Variants in CNTLN observed in about 807,000 individuals in gnomAD.
CNTLN encodes centlein.
CNTLN carries 212 observed loss-of-function variants against 180.0 expected under a neutral mutation model. The observed-to-expected ratio is 1.18, with a 90% confidence interval of 1.05 to 1.32. CNTLN has a LOEUF of 1.32. Among genes scored for constraint, CNTLN ranks in the 40% most tolerant of loss-of-function variants. The pLI is 0.00. For synonymous variants in CNTLN, 722 were observed against 563.1 expected (o/e 1.28, Z -3.99); for missense variants, 2,095 against 1,610.9 (o/e 1.30, Z -5.14).
At position 17,298,261 on chromosome 9, in the gene CNTLN, TC is replaced by T; in HGVS notation, c.1057del (p.Gln353SerfsTer14). ...CATACAGCCCAGCAAGCAGAGCTGA[TC>T]CAGCAGCTTCAGGTTCTCAATATGG... ...STHTAQQAEL[I>X]QQLQVLNMDT... On this transcript the variant is annotated frameshift_variant, in exon 7 of 26. Transcript: ENST00000380647. LOFTEE classifies it high-confidence loss of function. 6.2e-7 allele frequency: 1 copy of T among 1,613,384 alleles called. No homozygotes were observed.
At chr9:17,345,765 A>G (rs1462186272) in intron 12 of CNTLN, among the ~76,000 whole-genome samples, 2 of 152,142 alleles carry the variant, frequency 1.3e-5, no homozygotes, top group Non-Finnish European at 2.9e-5. Context: ...AAACATAATT[A>G]TAAACCACAA....
In CNTLN at chr9:17,181,362, T is replaced by G. The variant is rs116948155; in HGVS notation, c.449+37986T>G. Among the ~76,000 whole-genome samples the G allele has an allele frequency of 7.9e-3, 1,207 of 152,368 alleles. 29 individuals are homozygous for G. Among genetic ancestry groups the G allele is most frequent in the South Asian group, 0.064 (308 of 4,828 alleles). On this transcript the variant is annotated intron_variant, in intron 2 of 25. Transcript: ENST00000380647. Reference sequence around the variant, plus strand: ...TACTTTTCAGGCATAAAATTTGTATTTGTTTTTTCGTTGTATCTTCTGTCT... The same window carrying G: ...TACTTTTCAGGCATAAAATTTGTATGTGTTTTTTCGTTGTATCTTCTGTCT...
At chr9:17,288,176 T>G (rs1345508150) in intron 6 of CNTLN, among the ~76,000 whole-genome samples, 1 of 124,464 alleles carries the variant, frequency 8.0e-6, no homozygotes, top group Non-Finnish European at 1.6e-5. Context: ...CACACTGCTT[T>G]GAATGCATCC....
chr9:17,332,028 A>G (rs1188220345), intron 9 of CNTLN, among the ~76,000 whole-genome samples: 1 of 152,074 alleles, frequency 6.6e-6, no homozygotes, highest in Non-Finnish European at 1.5e-5. Context: ...TTGCTTTCAC[A>G]TATTCTTTCT....
chr9:17,472,280 G>A (rs939392549), intron 23 of CNTLN, among the ~76,000 whole-genome samples: 17 of 152,036 alleles, frequency 1.1e-4, no homozygotes, highest in Non-Finnish European at 2.5e-4. Flanking sequence ...ATTCTGTTGG[G>A]ATGAGTAAGA....
At chr9:17,285,479 C>T (rs1458777385) in intron 6 of CNTLN, among the ~76,000 whole-genome samples, 1 of 144,550 alleles carries the variant, frequency 6.9e-6, no homozygotes, top group African/African-American at 2.7e-5. Flanking sequence ...GTGCATGTGT[C>T]TTTATAGCAG....
At chr9:17,208,522 A>G (rs939637382) in intron 2 of CNTLN, among the ~76,000 whole-genome samples, 3 of 152,124 alleles carry the variant, frequency 2.0e-5, no homozygotes, top group Admixed American at 6.5e-5. Context: ...TGTTTTTCCA[A>G]CTACTTTAAA....
chr9:17,464,517 A>G lies in CNTLN; in HGVS notation c.3425A>G (p.Asp1142Gly). The change falls in exon 21 of 26, where the codon GAT (aspartate) becomes GGT (glycine). Residue 1142 changes from aspartate to glycine, a missense_variant. Coordinates refer to ENST00000380647, the MANE Select transcript of CNTLN (RefSeq NM_017738.4). Reference sequence around the variant, plus strand: ...TCAAGGATATCTCGAATGGAGAGGGATATAACTATGAAAAGACATTTGATA... The same window carrying G: ...TCAAGGATATCTCGAATGGAGAGGGGTATAACTATGAAAAGACATTTGATA... Reference protein sequence around the residue: ...MHEKISRMERDITMKRHLIED... With the variant: ...MHEKISRMERGITMKRHLIED... 5 of 1,531,840 alleles carry G rather than the reference A, an allele frequency of 3.3e-6. No homozygotes were observed. Among genetic ancestry groups the G allele is most frequent in the Non-Finnish European group, 3.5e-6 (4 of 1,149,384 alleles). The allele number at this position is 1,531,840 out of a possible 1,614,324, so 94.9% of individuals were successfully genotyped here. A position where few individuals can be genotyped will look rare whatever the true frequency, so the allele number is the denominator to read the frequency against.
At chr9:17,274,393 C>T (rs1442145909) in intron 6 of CNTLN, among the ~76,000 whole-genome samples, 1 of 151,796 alleles carries the variant, frequency 6.6e-6, no homozygotes, top group Non-Finnish European at 1.5e-5. Flanking sequence ...ATTACCTTTT[C>T]CAGAAAATAG....
intron 25 of CNTLN, among the ~76,000 whole-genome samples, chr9:17,497,690 C>A (rs576765318): frequency 2.6e-5 from 4 of 152,222 alleles, no homozygotes; most frequent in African/African-American, 9.6e-5. Flanking sequence ...TCCAAGAATT[C>A]TTTTTTTCTA....
At chr9:17,504,366 C>T (rs1833893147), downstream of CNTLN, among the ~76,000 whole-genome samples, 4 of 152,114 alleles carry the variant, frequency 2.6e-5, no homozygotes, top group South Asian at 8.3e-4. Flanking sequence ...TGTAATACCT[C>T]ATTACGACAG....
intron 19 of CNTLN, among the ~76,000 whole-genome samples, chr9:17,460,649 A>G (rs1219592731): frequency 6.6e-6 from 1 of 151,744 alleles, no homozygotes. Context: ...GTGTATCTCA[A>G]CCTGGCATTG....
the CNTLN span, among the ~76,000 whole-genome samples, chr9:17,510,331 T>C: frequency 6.6e-6 from 1 of 152,210 alleles, no homozygotes; most frequent in African/African-American, 2.4e-5. Context: ...GAGAAATACA[T>C]TTATCTGAGT....
intron 6 of CNTLN, among the ~76,000 whole-genome samples, chr9:17,279,626 G>GT (rs78373194): frequency 2.2e-3 from 320 of 143,888 alleles, no homozygotes; most frequent in Middle Eastern, 0.011. Context: ...AAGGTGTCAG[G>GT]TTTTTTTTTT....
chr9:17,178,909 G>C (rs113123597), intron 2 of CNTLN, among the ~76,000 whole-genome samples: 18 of 152,284 alleles, frequency 1.2e-4, no homozygotes, highest in African/African-American at 4.3e-4. Context: ...CGAGAGCGAG[G>C]GAGGGCTGTG....
intron 24 of CNTLN, among the ~76,000 whole-genome samples, chr9:17,485,032 TAGCATTTC>T (rs1480409929): frequency 6.6e-6 from 1 of 152,164 alleles, no homozygotes; most frequent in African/African-American, 2.4e-5. Context: ...TAGTCTTTAA[TAGCATTTC>T]AGCACCTCTT....
intron 23 of CNTLN, among the ~76,000 whole-genome samples, chr9:17,478,551 G>A (rs749778801): frequency 2.7e-5 from 4 of 150,238 alleles, no homozygotes; most frequent in Admixed American, 1.3e-4. Context: ...AAGAGATGGC[G>A]TCTCACTCTG....
rs1458948377 is a variant in CNTLN, at chr9:17,366,705, GAGAGA to G, written c.1983_1987del (p.Glu662ThrfsTer4). On this transcript the variant is annotated frameshift_variant, in exon 13 of 26. Transcript: ENST00000380647. LOFTEE classifies it high-confidence loss of function. Reference sequence around the variant, plus strand: ...ACAAGAATTGAATAGATGTGTGGCAGAGAGAAGAGAAGGTAAATTTTCAGAAAATA... The same window carrying G: ...ACAAGAATTGAATAGATGTGTGGCAGAGAGAAGGTAAATTTTCAGAAAATA... 1 of 1,559,400 alleles carries G rather than the reference GAGAGA, an allele frequency of 6.4e-7. No individual in the cohort carries two copies.
At chr9:17,192,579 C>T (rs1231981339) in intron 2 of CNTLN, among the ~76,000 whole-genome samples, 1 of 152,146 alleles carries the variant, frequency 6.6e-6, no homozygotes, top group African/African-American at 2.4e-5. Context: ...GATGAAGGAA[C>T]TGAGGTACAG....
Sources: allele counts gnomAD v4.1 joint callset (sites outside exome capture counted in the v4.1 genomes callset), GRCh38; gene constraint gnomAD v4.1.1; transcripts MANE v1.5; gene names NCBI Gene and HGNC (gene_info 2026-07-23, HGNC 2026-07-21).